Variants in ERAL1 observed in about 807,000 individuals in gnomAD.
ERAL1 encodes the protein Era like 12S mitochondrial rRNA chaperone 1.
A neutral mutation model predicts 53.6 loss-of-function variants in ERAL1; 36 were observed. That is an observed-to-expected ratio of 0.67 (90% CI 0.51 to 0.89). The LOEUF is 0.89. Among genes scored for constraint, ERAL1 ranks in the 40% least tolerant of loss-of-function variants. The pLI, the probability that ERAL1 is intolerant of heterozygous loss-of-function variation, is 0.00. For synonymous variants in ERAL1, 215 were observed against 211.8 expected (o/e 1.02, Z -0.13); for missense variants, 512 against 537.5 (o/e 0.95, Z 0.47).
intron 9 of ERAL1, among the ~76,000 whole-genome samples, chr17:28,859,500 C>T (rs541515412): frequency 3.7e-4 from 56 of 151,572 alleles, no homozygotes; most frequent in African/African-American, 8.0e-4. Context: ...GCAATCCTCC[C>T]GCCTCAGCCC....
At position 28,856,645 on chromosome 17, in the gene ERAL1, T is replaced by C. The variant is rs772785335; in HGVS notation, c.489+63T>C. ...AGGGTGAAGCTAAGAGGGTCTCCCTTACCATCAGCCTTGAAGAAAATGATG... is the reference window on the plus strand; with the variant it reads ...AGGGTGAAGCTAAGAGGGTCTCCCTCACCATCAGCCTTGAAGAAAATGATG... On this transcript the variant is annotated intron_variant, in intron 3 of 9. Transcript: ENST00000254928. 10 of 1,416,068 alleles carry C rather than the reference T, an allele frequency of 7.1e-6. No homozygotes were observed. In the East Asian group the frequency reaches 2.3e-4, roughly 32 times the overall value. The allele number at this position is 1,416,068 out of a possible 1,614,324, so 87.7% of individuals were successfully genotyped here. A position where few individuals can be genotyped will look rare whatever the true frequency, so the allele number is the denominator to read the frequency against.
Position 28,856,324 on chromosome 17 carries a change from G to T in ERAL1, c.344G>T (p.Arg115Leu). ...PDMPENSRVL[R>L]VVLLGAPNAG... ...ATGCCTGAGAATTCCCGGGTCCTAC[G>T]AGTGGTCCTCCTGGGAGCCCCGAAT... Residue 115 changes from arginine to leucine, a missense_variant, in exon 2 of 10, where the codon CGA (arginine) becomes CTA (leucine). By Grantham distance (102) the Arg-to-Leu change is moderately radical. Transcript: ENST00000254928. 1.2e-6 allele frequency: 2 copies of T among 1,614,130 alleles called. No homozygotes were observed. The highest frequency in any genetic ancestry group is 1.7e-6 in the Non-Finnish European group (2 of 1,180,024).
In ERAL1 at chr17:28,859,010, G is replaced by A. The variant is rs747465436; in HGVS notation, c.1007G>A (p.Ser336Asn). The change falls in exon 8 of 10, where the codon AGT (serine) becomes AAT (asparagine). Residue 336 changes from serine to asparagine, a missense_variant. Transcript: ENST00000254928. ...CAGCCAGGGCCCTGGGAGTACCACA[G>A]TGCAGTCCTCACTAGCCAGACACCA... is the stretch of plus-strand genomic sequence containing the variant. ...QAQPGPWEYH[S>N]AVLTSQTPEE... 1 of 1,614,170 alleles carries A rather than the reference G, an allele frequency of 6.2e-7. No homozygotes were observed. Among genetic ancestry groups the A allele is most frequent in the Non-Finnish European group, 8.5e-7 (1 of 1,180,018 alleles).
chr17:28,856,534 T>G lies in ERAL1; in HGVS notation c.441T>G (p.Thr147=). 1.9e-6 allele frequency: 3 copies of G among 1,613,970 alleles called. No homozygotes were observed. Among genetic ancestry groups the G allele is most frequent in the Non-Finnish European group, 2.5e-6 (3 of 1,179,924 alleles). The change falls in exon 3 of 10, where the codon ACT becomes ACG. Residue 147 remains threonine, a synonymous_variant. Transcript: ENST00000254928. ...TCCCTGTTTCCAGGAAGGTGCATAC[T>G]ACTCGCTGCCAAGCTCTGGGGGTCA... ...KVFPVSRKVH[T]TRCQALGVIT...
chr17:28,856,676 A>C, intron 3 of ERAL1, 94 bp downstream of exon 3: 1 of 1,114,178 alleles, frequency 9.0e-7, no homozygotes, highest in Non-Finnish European at 1.4e-6. Flanking sequence ...TGATGGTCAC[A>C]TTCATTTATG....
Position 28,858,196 on chromosome 17 carries a change from C to T in ERAL1, c.587C>T (p.Ser196Phe), listed in dbSNP as rs1324179039. 6.2e-7 allele frequency: 1 copy of T among 1,613,928 alleles called. No homozygotes were observed. The highest frequency in any genetic ancestry group is 1.3e-5 in the African/African-American group (1 of 74,914). Reference protein sequence around the residue: ...LLEDPWKSMESADLVVVLVDV... With the variant: ...LLEDPWKSMEFADLVVVLVDV... Reference sequence around the variant, plus strand: ...GAAGATCCATGGAAGAGCATGGAATCTGCTGATCTTGGTTAGGTTCAGGAT... The same window carrying T: ...GAAGATCCATGGAAGAGCATGGAATTTGCTGATCTTGGTTAGGTTCAGGAT... The change falls in exon 5 of 10, where the codon TCT becomes TTT. Residue 196 changes from serine to phenylalanine, a missense_variant. Ser to Phe is a radical substitution (Grantham distance 155). Coordinates refer to ENST00000254928, the MANE Select transcript of ERAL1 (RefSeq NM_005702.4).
intron 1 of ERAL1, 74 bp from the exon 2 acceptor site, chr17:28,856,190 G>A (rs936190732): frequency 6.3e-7 from 1 of 1,578,428 alleles, no homozygotes; most frequent in Non-Finnish European, 8.6e-7. Flanking sequence ...TCCCTTTGTG[G>A]GTGGGCAGGA....
chr17:28,858,531 C>A, intron 6 of ERAL1, 45 bp downstream of exon 6: 6 of 1,614,066 alleles, frequency 3.7e-6, no homozygotes, highest in Non-Finnish European at 5.1e-6. Context: ...CCCTCCAAGT[C>A]CCCTATCTCT....
At chr17:28,859,320 A>T in intron 9 of ERAL1, 37 bp downstream of exon 9, 1 of 1,603,364 alleles carries the variant, frequency 6.2e-7, no homozygotes, top group African/African-American at 1.3e-5. Context: ...GATCAAGACT[A>T]TGTTAGGCAG....
intron 3 of ERAL1, 133 bp downstream of exon 3, chr17:28,856,715 T>TC (rs1491032530): frequency 5.1e-6 from 1 of 194,542 alleles, no homozygotes; most frequent in Non-Finnish European, 1.0e-5. Context: ...TTTCTTTTTC[T>TC]TTTTTTTTTT....
chr17:28,860,188 G>A (rs1284555566), intron 9 of ERAL1, among the ~76,000 whole-genome samples: 1 of 152,048 alleles, frequency 6.6e-6, no homozygotes, highest in Non-Finnish European at 1.5e-5. Flanking sequence ...TGTTGGCCAG[G>A]CTGGTCTCGA....
intron 3 of ERAL1, 68 bp from the exon 4 acceptor site, chr17:28,857,871 C>G (rs1054179191): frequency 1.3e-6 from 2 of 1,547,886 alleles, no homozygotes; most frequent in African/African-American, 2.7e-5. Context: ...TCACAGGTAG[C>G]CTCTCTCTGA....
chr17:28,859,284 G>T lies in ERAL1; in HGVS notation c.1191+1G>T. 6.2e-7 allele frequency: 1 copy of T among 1,614,104 alleles called. No homozygotes were observed. Among genetic ancestry groups the T allele is most frequent in the Admixed American group, 1.7e-5 (1 of 60,022 alleles). ...TCTGGTGCCCAAAGAATCTTATGTG[G>T]TAAGTGAGACTAGGCTCAGAGGAGA... On this transcript the variant is annotated splice_donor_variant, in intron 9 of 9. Coordinates refer to ENST00000254928, the MANE Select transcript of ERAL1 (RefSeq NM_005702.4). LOFTEE classifies it high-confidence loss of function.
rs2039268045 is a variant in ERAL1 at position 28,858,489 on chromosome 17, G to A, written c.711+3G>A. ...CTAGTGTCCTGGTCATGAACAAGGTGAGCACTACCCACCTGAGGAAGGGGT... is the reference window on the plus strand; with the variant it reads ...CTAGTGTCCTGGTCATGAACAAGGTAAGCACTACCCACCTGAGGAAGGGGT... On this transcript the variant is annotated splice_donor_region_variant and intron_variant, in intron 6 of 9. Coordinates refer to ENST00000254928, the MANE Select transcript of ERAL1 (RefSeq NM_005702.4). The A allele has an allele frequency of 1.2e-6, 2 of 1,614,118 alleles. No homozygotes were observed. The highest frequency in any genetic ancestry group is 1.7e-6 in the Non-Finnish European group (2 of 1,180,016).
At chr17:28,859,968 T>C (rs2039287843) in intron 9 of ERAL1, among the ~76,000 whole-genome samples, 1 of 151,196 alleles carries the variant, frequency 6.6e-6, no homozygotes, top group Non-Finnish European at 1.5e-5. Context: ...AACCCTCTCT[T>C]TTTTTTATTT....
At chr17:28,857,662 C>T (rs2039259714) in intron 3 of ERAL1, among the ~76,000 whole-genome samples, 1 of 151,894 alleles carries the variant, frequency 6.6e-6, no homozygotes, top group South Asian at 2.1e-4. Context: ...TGTGGTGGTG[C>T]ACGCCTGTAA....
rs2039243004 is a variant in ERAL1 at position 28,856,370 on chromosome 17, C to T, written c.390C>T (p.Ser130=). 9 of 1,614,090 alleles carry T rather than the reference C, an allele frequency of 5.6e-6. No individual in the cohort carries two copies. Among genetic ancestry groups the T allele is most frequent in the Middle Eastern group, 1.7e-4 (1 of 6,060 alleles). ...GAPNAGKSTL[S]NQLLGRKVFP... ...CGAATGCAGGGAAGTCAACACTCTC[C>T]AACCAGCTACTGGGCCGAAAGGTAT... The change falls in exon 2 of 10, where the codon TCC becomes TCT. Residue 130 remains serine, a synonymous_variant. Transcript: ENST00000254928.
intron 9 of ERAL1, among the ~76,000 whole-genome samples, chr17:28,859,886 C>G (rs1412661580): frequency 6.6e-6 from 1 of 152,116 alleles, no homozygotes; most frequent in Non-Finnish European, 1.5e-5. Context: ...GTCTCAAATT[C>G]CTGGGCTCAA....
At position 28,855,271 on chromosome 17, in the gene ERAL1, C is replaced by T; in HGVS notation, c.237C>T (p.Pro79=). The T allele has an allele frequency of 1.2e-6, 2 of 1,610,524 alleles. No individual in the cohort carries two copies. Among genetic ancestry groups the T allele is most frequent in the Non-Finnish European group, 1.7e-6 (2 of 1,177,820 alleles). Residue 79 remains proline (P), a synonymous_variant, in exon 1 of 10, where the codon CCC becomes CCT. Coordinates refer to ENST00000254928, the MANE Select transcript of ERAL1 (RefSeq NM_005702.4). ...ACCACTTCCTCGGATTCTCTCAGCC[C>T]GACAGTTCGGTGACTCCTTGCGTCC... The part of the protein sequence containing the change: ...ALDHFLGFSQ[P]DSSVTPCVPA...
Sources: allele counts gnomAD v4.1 joint callset (sites outside exome capture counted in the v4.1 genomes callset), GRCh38; gene constraint gnomAD v4.1.1; transcripts MANE v1.5; gene names NCBI Gene and HGNC (gene_info 2026-07-23, HGNC 2026-07-21).